SNX9: variants seen among roughly 807,000 people sequenced by gnomAD.
SNX9 encodes the protein sorting nexin-9.
In SNX9, 44 loss-of-function variants were observed where a neutral mutation model predicts 89.4. The observed-to-expected ratio is 0.49, with a 90% CI of 0.39 to 0.63. The LOEUF is 0.63. SNX9 is among the 30% of genes least tolerant of loss of function. The probability of loss-of-function intolerance (pLI) is 0.00; values close to 1 mark genes in which losing one functional copy is unlikely to be tolerated. For synonymous variants in SNX9, 236 were observed against 247.8 expected (o/e 0.95, Z 0.45); for missense variants, 578 against 736.1 (o/e 0.79, Z 2.49).
At position 157,866,818 on chromosome 6, in the gene SNX9, G is replaced by A. The variant is rs114528939; in HGVS notation, c.13-729G>A. Among the ~76,000 whole-genome samples, 727 of 152,216 alleles carry A rather than the reference G, an allele frequency of 4.8e-3. 8 individuals are homozygous for A. The highest frequency in any genetic ancestry group is 0.017 in the African/African-American group (695 of 41,562). On this transcript the variant is annotated intron_variant, in intron 1 of 17. Coordinates refer to ENST00000392185, the MANE Select transcript of SNX9 (RefSeq NM_016224.5). Reference sequence around the variant, plus strand: ...ATGTGTGAATCTTAGATGTGTGTGCGTGTGTGTATGTCTCTGTCTTCAGTT... The same window carrying A: ...ATGTGTGAATCTTAGATGTGTGTGCATGTGTGTATGTCTCTGTCTTCAGTT...
At chr6:157,900,225 A>T (rs1476513055) in intron 5 of SNX9, among the ~76,000 whole-genome samples, 2 of 151,986 alleles carry the variant, frequency 1.3e-5, no homozygotes, top group East Asian at 3.8e-4. Flanking sequence ...TGTGATGTTG[A>T]GTGCATTTTC....
intron 1 of SNX9, among the ~76,000 whole-genome samples, chr6:157,863,959 A>C (rs1226752788): frequency 1.3e-5 from 2 of 152,208 alleles, no homozygotes; most frequent in Admixed American, 6.5e-5. Context: ...GCATCTGTTT[A>C]AGTCTTAATT....
chr6:157,841,292 G>C (rs117510189), intron 1 of SNX9, among the ~76,000 whole-genome samples: 4 of 152,088 alleles, frequency 2.6e-5, no homozygotes, highest in African/African-American at 9.7e-5. Flanking sequence ...TTTTAATTTA[G>C]GGTCTTCAAG....
chr6:157,889,053 C>G (rs1331034353), intron 4 of SNX9, among the ~76,000 whole-genome samples: 1 of 152,098 alleles, frequency 6.6e-6, no homozygotes, highest in East Asian at 1.9e-4. Flanking sequence ...GCATTGGAAA[C>G]CTGAGTGAAG....
rs752962000 is a variant in SNX9 at position 157,921,523 on chromosome 6, G to A, written c.950-8G>A. ...AGTTGTATGTCATTCTTGGTGTGTC[G>A]CTTGCAGGCCGCTTTGAAGAGGAAT... On this transcript the variant is annotated splice_polypyrimidine_tract_variant and splice_region_variant and intron_variant, in intron 9 of 17. Coordinates refer to ENST00000392185, the MANE Select transcript of SNX9 (RefSeq NM_016224.5). The A allele has an allele frequency of 1.6e-5, 26 of 1,611,274 alleles. No individual in the cohort carries two copies. Among genetic ancestry groups the A allele is most frequent in the African/African-American group, 2.7e-5 (2 of 74,738 alleles).
At chr6:157,884,613 T>C (rs144448616) in intron 4 of SNX9, among the ~76,000 whole-genome samples, 5 of 152,026 alleles carry the variant, frequency 3.3e-5, no homozygotes, top group African/African-American at 1.2e-4. Flanking sequence ...CCGTATGAAT[T>C]CTTTTTAGTT....
chr6:157,889,499 A>C (rs1782812066), intron 4 of SNX9, among the ~76,000 whole-genome samples: 1 of 152,074 alleles, frequency 6.6e-6, no homozygotes, highest in South Asian at 2.1e-4. Context: ...AGTTTGTTAC[A>C]GTAAAGCTTA....
At chr6:157,893,445 C>T (rs920933346) in intron 4 of SNX9, among the ~76,000 whole-genome samples, 2 of 152,168 alleles carry the variant, frequency 1.3e-5, no homozygotes, top group Non-Finnish European at 2.9e-5. Context: ...GTTTTTGATG[C>T]ACCTGGCACG....
chr6:157,897,058 G>A, intron 5 of SNX9, 60 bp downstream of exon 5: 2 of 1,480,944 alleles, frequency 1.4e-6, no homozygotes, highest in South Asian at 2.8e-5. Flanking sequence ...GAGAGACAGG[G>A]AAGACCGAAC....
chr6:157,929,914 G>C (rs1429480230), intron 12 of SNX9, among the ~76,000 whole-genome samples: 1 of 152,166 alleles, frequency 6.6e-6, no homozygotes. Flanking sequence ...ACCATGGTCC[G>C]AGCACCATAT....
chr6:157,944,543 G>C lies in SNX9; in HGVS notation c.*1705G>C, dbSNP rs1281640737. ...AAAGCACTTTTTCAAAACACTTTTT[G>C]GACTTTGTGTGTGATTTTTGTTGTT... On this transcript the variant is annotated 3_prime_UTR_variant, in exon 18 of 18. Transcript: ENST00000392185. 6.6e-6 allele frequency: 1 copy of C among 152,428 alleles called. No individual in the cohort carries two copies. 9.4% of individuals were successfully genotyped at this position (152,428 alleles called of 1,614,324 possible). A position where few individuals can be genotyped will look rare whatever the true frequency, so the allele number is the denominator to read the frequency against.
intron 11 of SNX9, among the ~76,000 whole-genome samples, 188 bp downstream of exon 11, chr6:157,927,402 A>G (rs1185445856): frequency 6.6e-6 from 1 of 152,188 alleles, no homozygotes; most frequent in African/African-American, 2.4e-5. Context: ...TCTAACCGCA[A>G]CATCAAATTA....
In SNX9 at chr6:157,906,118, T is replaced by A; in HGVS notation, c.621-10T>A. On this transcript the variant is annotated splice_polypyrimidine_tract_variant and intron_variant, in intron 6 of 17. Coordinates refer to ENST00000392185, the MANE Select transcript of SNX9 (RefSeq NM_016224.5). ...TCTTAAGACTGATGAACATTTATAT[T>A]CATGATTAGATTTCCTGGATTTGCG... 6.2e-7 allele frequency: 1 copy of A among 1,608,328 alleles called. No individual in the cohort carries two copies. Among genetic ancestry groups the A allele is most frequent in the Non-Finnish European group, 8.5e-7 (1 of 1,177,160 alleles).
At chr6:157,901,355 C>CTGTTATTTT (rs1370993737) in intron 5 of SNX9, among the ~76,000 whole-genome samples, 2 of 152,194 alleles carry the variant, frequency 1.3e-5, no homozygotes, top group Non-Finnish European at 2.9e-5. Context: ...GTAGTCCCGC[C>CTGTTATTTT]TGTTATTTTT....
intron 1 of SNX9, among the ~76,000 whole-genome samples, chr6:157,844,751 G>A (rs769877287): frequency 7.0e-4 from 106 of 151,794 alleles, no homozygotes; most frequent in Non-Finnish European, 1.0e-3. Flanking sequence ...CCGCCACCAC[G>A]CCCGGCTAAT....
chr6:157,919,329 C>G (rs1329245127), intron 9 of SNX9, among the ~76,000 whole-genome samples: 2 of 152,208 alleles, frequency 1.3e-5, no homozygotes, highest in East Asian at 1.9e-4. Flanking sequence ...TCTTCTTCCT[C>G]TGGGATTCTC....
intron 1 of SNX9, among the ~76,000 whole-genome samples, chr6:157,848,317 T>C (rs1425181486): frequency 6.6e-6 from 1 of 152,150 alleles, no homozygotes; most frequent in East Asian, 1.9e-4. Context: ...AATTTTAGAA[T>C]TGGCTCTGAT....
At chr6:157,908,429 C>T (rs1220363985) in intron 7 of SNX9, among the ~76,000 whole-genome samples, 3 of 152,176 alleles carry the variant, frequency 2.0e-5, no homozygotes, top group African/African-American at 7.2e-5. Flanking sequence ...AGATAGATAA[C>T]ATTCTCAGTA....
Position 157,944,582 on chromosome 6 carries a change from T to A in SNX9, c.*1744T>A, listed in dbSNP as rs1177120872. The A allele has an allele frequency of 6.6e-6, 1 of 152,382 alleles. No homozygotes were observed. Among genetic ancestry groups the A allele is most frequent in the Non-Finnish European group, 1.5e-5 (1 of 68,040 alleles). 9.4% of individuals were successfully genotyped at this position (152,382 alleles called of 1,614,324 possible). On this transcript the variant is annotated 3_prime_UTR_variant, in exon 18 of 18. Transcript: ENST00000392185. ...ATTTTTGTTGTTGTTGTTAAGTACT[T>A]TTTATTCCAGCTGCTGAAAATGGTC...
Sources: gnomAD v4.1 joint callset for allele counts (sites outside exome capture counted in the v4.1 genomes callset) on GRCh38, gnomAD v4.1.1 for gene constraint, MANE v1.5 for transcripts, NCBI Gene and HGNC (gene_info 2026-07-23, HGNC 2026-07-21) for gene names.